RASGRP4: variants seen among roughly 807,000 people sequenced by gnomAD.
The protein encoded by RASGRP4 is RAS guanyl-releasing protein 4.
Under a neutral mutation model 84.4 loss-of-function variants are expected in RASGRP4, and 52 were observed. The ratio of observed to expected loss-of-function variants is 0.62; its 90% CI spans 0.49 to 0.78. RASGRP4 has a LOEUF of 0.78. Among genes scored for constraint, RASGRP4 ranks in the 30% least tolerant of loss-of-function variants. The pLI is 0.00. For missense variants in RASGRP4, 760 were observed against 886.9 expected (o/e 0.86, Z 1.82); for synonymous variants, 356 against 359.1 (o/e 0.99, Z 0.10).
chr19:38,419,009 G>C (rs1049012410), intron 6 of RASGRP4, among the ~76,000 whole-genome samples: 1 of 152,182 alleles, frequency 6.6e-6, no homozygotes, highest in Admixed American at 6.5e-5. Context: ...ACCTCTATCT[G>C]TTCTGCCCAA....
intron 8 of RASGRP4, among the ~76,000 whole-genome samples, chr19:38,415,927 T>C (rs909197723): frequency 2.0e-4 from 30 of 150,770 alleles, no homozygotes; most frequent in Non-Finnish European, 3.7e-4. Flanking sequence ...GGTCTGGTGG[T>C]GCAGGCCTGT....
intron 1 of RASGRP4, among the ~76,000 whole-genome samples, chr19:38,423,792 G>A (rs1274613064): frequency 2.0e-5 from 3 of 152,036 alleles, no homozygotes; most frequent in Admixed American, 2.0e-4. Context: ...AGCCGAGATC[G>A]TGCCACTGCA....
intron 8 of RASGRP4, among the ~76,000 whole-genome samples, chr19:38,415,420 T>C (rs1344152480): frequency 6.7e-6 from 1 of 149,442 alleles, no homozygotes; most frequent in African/African-American, 2.5e-5. Flanking sequence ...TTGCCCAGGC[T>C]AGAGTGCAGT....
In RASGRP4 at chr19:38,418,511, G is replaced by A. The variant is rs1971602932; in HGVS notation, c.717C>T (p.Ala239=). 3 of 1,556,926 alleles carry A rather than the reference G, an allele frequency of 1.9e-6. No individual in the cohort carries two copies. Among genetic ancestry groups the A allele is most frequent in the Non-Finnish European group, 2.6e-6 (3 of 1,150,892 alleles). Residue 239 remains alanine (A), a synonymous_variant, in exon 7 of 17, where the codon GCC becomes GCT. Coordinates refer to ENST00000615439, the MANE Select transcript of RASGRP4 (RefSeq NM_170604.3). This position sits in a 1 kb window ranked among gnomAD's most constrained non-coding sequence, Gnocchi z 4.6. The part of the protein sequence containing the change: ...VLQGSVRGCP[A]LEGSVGLSNS... ...TGCTGAGACCTACGGAGCCCTCCAG[G>A]GCCGGGCAGCCTCGTACTGAGCCCT...
rs1211179449 is a variant in RASGRP4 at position 38,412,128 on chromosome 19, G to A, written c.1680+544C>T. Among the ~76,000 whole-genome samples the A allele has an allele frequency of 7.5e-6, 1 of 133,448 alleles. No individual in the cohort carries two copies. 87.5% of individuals were successfully genotyped at this position (133,448 alleles called of 152,430 possible). A position where few individuals can be genotyped will look rare whatever the true frequency, so the allele number is the denominator to read the frequency against. ...TGTTGTTGTTGTTGTTGTTGTTGTT[G>A]TTGTTTTTGAGACAGAATCTCGCTC... On this transcript the variant is annotated intron_variant, in intron 13 of 16. Coordinates refer to ENST00000615439, the MANE Select transcript of RASGRP4 (RefSeq NM_170604.3). This position sits in a 1 kb window ranked among gnomAD's most constrained non-coding sequence, Gnocchi z 4.6.
chr19:38,423,167 C>T (rs1051835560), intron 1 of RASGRP4, among the ~76,000 whole-genome samples: 1 of 152,152 alleles, frequency 6.6e-6, no homozygotes, highest in Non-Finnish European at 1.5e-5. Flanking sequence ...TCAGGAATTG[C>T]CTCCTCAGGG....
At chr19:38,411,944 T>C (rs1971273346) in intron 13 of RASGRP4, among the ~76,000 whole-genome samples, 1 of 152,124 alleles carries the variant, frequency 6.6e-6, no homozygotes, top group Non-Finnish European at 1.5e-5. Flanking sequence ...GGGTTATAGG[T>C]TGAGAGATTG....
rs565722950 is a variant in RASGRP4 at position 38,417,973 on chromosome 19, C to A, written c.837+418G>T. 6.6e-6 allele frequency among the ~76,000 whole-genome samples: 1 copy of A among 150,922 alleles called. No individual in the cohort carries two copies. The highest frequency in any genetic ancestry group is 6.6e-5 in the Admixed American group (1 of 15,102). On this transcript the variant is annotated intron_variant, in intron 7 of 16. Coordinates refer to ENST00000615439, the MANE Select transcript of RASGRP4 (RefSeq NM_170604.3). This position sits in a 1 kb window ranked among gnomAD's most constrained non-coding sequence, Gnocchi z 5.1. ...AAGGGAGGGGAAGAGAAGGGCGTAACACAATGGGGCGGGGCGGGGAGAGCC... is the reference window on the plus strand; with the variant it reads ...AAGGGAGGGGAAGAGAAGGGCGTAAAACAATGGGGCGGGGCGGGGAGAGCC...
In RASGRP4 at chr19:38,417,435, C is replaced by T. The variant is rs141786893; in HGVS notation, c.838-267G>A. 6.6e-6 allele frequency among the ~76,000 whole-genome samples: 1 copy of T among 151,994 alleles called. No individual in the cohort carries two copies. The highest frequency in any genetic ancestry group is 2.4e-5 in the African/African-American group (1 of 41,342). ...AGAAAATCTGGGGAGACAGGAAGTA[C>T]GAGAAGTTGGGCGGATTTGGGGAAT... On this transcript the variant is annotated intron_variant, in intron 7 of 16. Transcript: ENST00000615439. This position sits in a 1 kb window ranked among gnomAD's most constrained non-coding sequence, Gnocchi z 5.1.
chr19:38,415,856 C>CAGCCCAG (rs1971478378), intron 8 of RASGRP4, among the ~76,000 whole-genome samples: 1 of 148,748 alleles, frequency 6.7e-6, no homozygotes, highest in South Asian at 2.2e-4. Flanking sequence ...GTCAGGAGTT[C>CAGCCCAG]GAGAACAGCC....
Position 38,418,052 on chromosome 19 carries a change from A to C in RASGRP4, c.837+339T>G, listed in dbSNP as rs903049743. The stretch of plus-strand genomic sequence containing the variant: ...CCGAAGCGACCGCTGGGGCCTGGGG[A>C]CTGGGGATTGAAGCCTCGGGCTTCC... On this transcript the variant is annotated intron_variant, in intron 7 of 16. Coordinates refer to ENST00000615439, the MANE Select transcript of RASGRP4 (RefSeq NM_170604.3). The surrounding 1 kb of genome is among the most constrained non-coding windows in gnomAD (Gnocchi z 4.6). Among the ~76,000 whole-genome samples, 1 of 151,626 alleles carries C rather than the reference A, an allele frequency of 6.6e-6. No homozygotes were observed. Among genetic ancestry groups the C allele is most frequent in the Non-Finnish European group, 1.5e-5 (1 of 67,912 alleles).
chr19:38,421,303 C>G, intron 2 of RASGRP4, 103 bp from the exon 3 acceptor site: 3 of 806,648 alleles, frequency 3.7e-6, no homozygotes, highest in Non-Finnish European at 4.2e-6. Context: ...CCAGCTCTAA[C>G]GGTGATCCCC....
At position 38,421,190 on chromosome 19, in the gene RASGRP4, G is replaced by T. The variant is rs1396887720; in HGVS notation, c.219C>A (p.Gly73=). 1.2e-6 allele frequency: 2 copies of T among 1,612,688 alleles called. No individual in the cohort carries two copies. Among genetic ancestry groups the T allele is most frequent in the Non-Finnish European group, 8.5e-7 (1 of 1,178,882 alleles). Residue 73 remains glycine (G), a synonymous_variant, in exon 3 of 17, where the codon GGC becomes GGA. Coordinates refer to ENST00000615439, the MANE Select transcript of RASGRP4 (RefSeq NM_170604.3). ...GCATGTGGTCCTCGTGGCACAGGCT[G>T]CCAGCTGAATCTGGGGTGGAAGGAG... ...EKCIQSFDSA[G]SLCHEDHMLN...
In RASGRP4 at chr19:38,413,330, C is replaced by T; in HGVS notation, c.1312-33G>A. On this transcript the variant is annotated intron_variant, in intron 10 of 16. Coordinates refer to ENST00000615439, the MANE Select transcript of RASGRP4 (RefSeq NM_170604.3). The surrounding 1 kb of genome is among the most constrained non-coding windows in gnomAD (Gnocchi z 4.7). ...GGGGACAGAGGAGCACAGTTAGTCA[C>T]TGCATAGGCTTAGGGGGGGTTCGAG... The T allele has an allele frequency of 6.2e-7, 1 of 1,605,136 alleles. No individual in the cohort carries two copies. The highest frequency in any genetic ancestry group is 8.5e-7 in the Non-Finnish European group (1 of 1,172,706).
chr19:38,418,354 T>A lies in RASGRP4; in HGVS notation c.837+37A>T. The A allele has an allele frequency of 2.5e-6, 4 of 1,577,920 alleles. No homozygotes were observed. The highest frequency in any genetic ancestry group is 2.6e-6 in the Non-Finnish European group (3 of 1,161,132). On this transcript the variant is annotated intron_variant, in intron 7 of 16. Transcript: ENST00000615439. The surrounding 1 kb of genome is among the most constrained non-coding windows in gnomAD (Gnocchi z 4.6). Reference sequence around the variant, plus strand: ...GAAGGGGAAGGACCAGGTGGCTGCGTGCAGTGGAGTTCGCAGCCCCAAGGG... The same window carrying A: ...GAAGGGGAAGGACCAGGTGGCTGCGAGCAGTGGAGTTCGCAGCCCCAAGGG...
At chr19:38,421,489 A>C (rs774513034) in intron 2 of RASGRP4, among the ~76,000 whole-genome samples, 1 of 152,174 alleles carries the variant, frequency 6.6e-6, no homozygotes, top group Non-Finnish European at 1.5e-5. Context: ...AATCGGGCGG[A>C]TCATATGAGG....
Position 38,409,090 on chromosome 19 carries a change from A to T in RASGRP4, c.*950T>A. The T allele has an allele frequency of 7.6e-6, 3 of 393,672 alleles. No homozygotes were observed. Among genetic ancestry groups the T allele is most frequent in the Non-Finnish European group, 8.6e-6 (2 of 233,052 alleles). The allele number at this position is 393,672 out of a possible 1,614,324, so 24.4% of individuals were successfully genotyped here. The stretch of plus-strand genomic sequence containing the variant: ...AATAAATTTAATTTATGACAGCTGT[A>T]GGACCTCTCTCTGTGGGGGCCAAGT... On this transcript the variant is annotated 3_prime_UTR_variant, in exon 17 of 17. Coordinates refer to ENST00000615439, the MANE Select transcript of RASGRP4 (RefSeq NM_170604.3).
rs530924409 is a variant in RASGRP4, at chr19:38,410,048, C to G, written c.2014G>C (p.Asp672His). 23 of 1,611,742 alleles carry G rather than the reference C, an allele frequency of 1.4e-5. No individual in the cohort carries two copies. Among genetic ancestry groups the G allele is most frequent in the Non-Finnish European group, 1.2e-5 (14 of 1,178,800 alleles). ...DPPSTASSKL[D>H]S ...AGGAGACCAAGAGATGTCTAGGAAT[C>G]CAGCTTGGAGGATGCAGTTGATGGT... Residue 672 changes from aspartate to histidine, a missense_variant, in exon 17 of 17, where the codon GAT becomes CAT. Transcript: ENST00000615439.
chr19:38,417,667 C>T lies in RASGRP4; in HGVS notation c.838-499G>A, dbSNP rs1971554239. ...CTAGACAGGTGTGGGGCCACCAGGG[C>T]AGCTGGGGAATTCCCTTGCCCTCCT... On this transcript the variant is annotated intron_variant, in intron 7 of 16. Transcript: ENST00000615439. The surrounding 1 kb of genome is among the most constrained non-coding windows in gnomAD (Gnocchi z 5.1). Among the ~76,000 whole-genome samples the T allele has an allele frequency of 6.6e-6, 1 of 152,014 alleles. No homozygotes were observed. Among genetic ancestry groups the T allele is most frequent in the Non-Finnish European group, 1.5e-5 (1 of 67,978 alleles).
Sources: gnomAD v4.1 joint callset for allele counts (sites outside exome capture counted in the v4.1 genomes callset) on GRCh38, gnomAD v4.1.1 for gene constraint, Gnocchi (gnomAD v3.1) non-coding constraint, MANE v1.5 for transcripts, NCBI Gene and HGNC (gene_info 2026-07-23, HGNC 2026-07-21) for gene names.